The following MAP7 variants were observed in gnomAD, a reference collection of about 807,000 sequenced individuals.
MAP7 encodes microtubule associated protein 7, also known as ensconsin.
Under a neutral mutation model 94.8 loss-of-function variants are expected in MAP7, and 52 were observed. That is an observed-to-expected ratio of 0.55 (90% confidence interval 0.44 to 0.69). MAP7 has a LOEUF of 0.69. MAP7 is among the 30% of genes least tolerant of loss of function. The pLI is 0.00. For synonymous variants in MAP7, 350 were observed against 357.0 expected (o/e 0.98, Z 0.22); for missense variants, 940 against 964.6 (o/e 0.97, Z 0.34).
intron 17 of MAP7, among the ~76,000 whole-genome samples, chr6:136,344,630 CTGTAACATG>C (rs1372259644): frequency 6.6e-6 from 1 of 152,206 alleles, no homozygotes; most frequent in Admixed American, 6.5e-5. Flanking sequence ...TCCTGTAAAT[CTGTAACATG>C]AGTAGGAAGC....
chr6:136,538,663 T>C (rs1240146776), intron 1 of MAP7, among the ~76,000 whole-genome samples: 1 of 151,766 alleles, frequency 6.6e-6, no homozygotes, highest in Non-Finnish European at 1.5e-5. Flanking sequence ...TAGTGGCGTG[T>C]ACCTGTAGTC....
chr6:136,421,598 G>T, intron 2 of MAP7, 103 bp downstream of exon 2: 1 of 1,143,174 alleles, frequency 8.7e-7, no homozygotes. Context: ...CGAGTTTTCT[G>T]GAAACTAGAA....
At chr6:136,545,840 A>G (rs556620841) in intron 1 of MAP7, among the ~76,000 whole-genome samples, 1 of 152,160 alleles carries the variant, frequency 6.6e-6, no homozygotes, top group Non-Finnish European at 1.5e-5. Context: ...ACAGGCATGC[A>G]ATGTGAAATA....
intron 6 of MAP7, among the ~76,000 whole-genome samples, chr6:136,380,546 G>C (rs1031299118): frequency 1.3e-5 from 2 of 152,118 alleles, no homozygotes; most frequent in Non-Finnish European, 2.9e-5. Context: ...TGTATTGATG[G>C]ATTTTAAGCA....
chr6:136,526,558 G>A, intron 1 of MAP7: 2 of 985,466 alleles, frequency 2.0e-6, no homozygotes, highest in African/African-American at 1.7e-5. Flanking sequence ...GCTGAGAAGC[G>A]GCAGCTTGCA....
chr6:136,346,045 C>T lies in MAP7; in HGVS notation c.2050G>A (p.Gly684Ser). The T allele has an allele frequency of 6.2e-7, 1 of 1,612,856 alleles. No homozygotes were observed. The highest frequency in any genetic ancestry group is 8.5e-7 in the Non-Finnish European group (1 of 1,179,308). ...AAATTTTCATTCTGAACAGATACAC[C>T]ATTTTCATTTGGTTGTTTTTCCAAA... ...PDLEKQPNEN[G>S]VSVQNENFEE... The change falls in exon 17 of 18, where the codon GGT becomes AGT. Residue 684 changes from glycine to serine, a missense_variant. Gly to Ser is a moderately conservative substitution (Grantham distance 56). Transcript: ENST00000354570.
Position 136,489,439 on chromosome 6 carries a change from C to T in MAP7, c.67+60903G>A, listed in dbSNP as rs189253397. On this transcript the variant is annotated intron_variant, in intron 1 of 17. Coordinates refer to ENST00000354570, the MANE Select transcript of MAP7 (RefSeq NM_003980.6). ...GCCTAGGCCTGTAACTTTGTCTTAC[C>T]TCTTCATACTATTTATTTAGTTTAT... 2.0e-5 allele frequency among the ~76,000 whole-genome samples: 3 copies of T among 151,312 alleles called. No homozygotes were observed. In the East Asian group the frequency reaches 5.8e-4, roughly 29 times the overall value.
chr6:136,468,992 G>GT lies in MAP7; in HGVS notation c.68-47194dup, dbSNP rs964945139. Among the ~76,000 whole-genome samples the GT allele has an allele frequency of 8.2e-3, 1,207 of 146,732 alleles. 9 individuals are homozygous for GT. Among genetic ancestry groups the GT allele is most frequent in the African/African-American group, 0.023 (943 of 40,280 alleles). On this transcript the variant is annotated intron_variant, in intron 1 of 17. Coordinates refer to ENST00000354570, the MANE Select transcript of MAP7 (RefSeq NM_003980.6). ...CCCTTAGCAAAAACAGTTTTTTGTT[G>GT]TTTTTTTTTTTAACTAAATGGTGGT...
intron 1 of MAP7, among the ~76,000 whole-genome samples, chr6:136,517,945 T>C (rs753654580): frequency 6.6e-5 from 10 of 152,174 alleles, no homozygotes; most frequent in Non-Finnish European, 8.8e-5. Context: ...ACTTAGATCT[T>C]AAGCTACATT....
At chr6:136,464,247 T>C in intron 1 of MAP7, among the ~76,000 whole-genome samples, 1 of 152,214 alleles carries the variant, frequency 6.6e-6, no homozygotes, top group East Asian at 1.9e-4. Flanking sequence ...CTTTCTTTTC[T>C]TCTTCCAAAA....
intron 2 of MAP7, among the ~76,000 whole-genome samples, chr6:136,413,675 G>C (rs1039436726): frequency 1.3e-5 from 2 of 151,980 alleles, no homozygotes; most frequent in Non-Finnish European, 2.9e-5. Flanking sequence ...GCTGTGGCAC[G>C]ATCATGGCTT....
chr6:136,485,555 A>ATTTTTTTTTTTTTTTTT (rs747333121), intron 1 of MAP7, among the ~76,000 whole-genome samples: 1 of 98,158 alleles, frequency 1.0e-5, no homozygotes, highest in African/African-American at 4.5e-5. Flanking sequence ...TCCACTTCAG[A>ATTTTTTTTTTTTTTTTT]TTTTTTTTTT....
At chr6:136,452,129 G>A (rs528303138) in intron 1 of MAP7, among the ~76,000 whole-genome samples, 81 of 152,260 alleles carry the variant, frequency 5.3e-4, no homozygotes, top group African/African-American at 1.8e-3. Context: ...GGGAGGCAGA[G>A]GTTGCAGTGA....
At chr6:136,526,533 G>C in intron 1 of MAP7, 1 of 985,468 alleles carries the variant, frequency 1.0e-6, no homozygotes, top group Non-Finnish European at 1.2e-6. Flanking sequence ...GGCCCAGAGC[G>C]GCTCCATCTC....
At chr6:136,480,511 G>A (rs923080143) in intron 1 of MAP7, among the ~76,000 whole-genome samples, 3 of 151,524 alleles carry the variant, frequency 2.0e-5, no homozygotes, top group South Asian at 2.1e-4. Flanking sequence ...GCATGGTGGC[G>A]GGTGCCTGTA....
intron 1 of MAP7, among the ~76,000 whole-genome samples, chr6:136,429,331 C>T (rs1195353795): frequency 1.3e-5 from 2 of 152,146 alleles, no homozygotes; most frequent in Non-Finnish European, 2.9e-5. Context: ...GCATCACTAA[C>T]CCAAAAACCT....
rs759974150 is a variant in MAP7, at chr6:136,388,425, G to A, written c.494C>T (p.Ser165Phe). 83 of 1,614,016 alleles carry A rather than the reference G, an allele frequency of 5.1e-5. 1 individual carries two copies. In the East Asian group the frequency reaches 1.8e-3, roughly 35 times the overall value. Residue 165 changes from serine to phenylalanine, a missense_variant, in exon 5 of 18, where the codon TCT (serine) becomes TTT (phenylalanine). Ser to Phe is a radical substitution (Grantham distance 155). Transcript: ENST00000354570. ...GTGGATGCTAGGGCTCCCATGGAGA[G>A]AGCCTCCCCACGACCAACGGTTATG... ...QKHNRWSWGG[S>F]LHGSPSIHSA...
At position 136,415,422 on chromosome 6, in the gene MAP7, G is replaced by C. The variant is rs186616086; in HGVS notation, c.167-3725C>G. Reference sequence around the variant, plus strand: ...TGTGCCATGTCTAGCTTACTTTCAAGTACATGCCAAATTTCATACAAAATT... The same window carrying C: ...TGTGCCATGTCTAGCTTACTTTCAACTACATGCCAAATTTCATACAAAATT... On this transcript the variant is annotated intron_variant, in intron 2 of 17. Transcript: ENST00000354570. Among the ~76,000 whole-genome samples, 11 of 152,236 alleles carry C rather than the reference G, an allele frequency of 7.2e-5. No homozygotes were observed. The East Asian group carries it at 2.1e-3, about 29-fold the overall frequency.
At chr6:136,381,378 G>A (rs1334756252) in intron 6 of MAP7, among the ~76,000 whole-genome samples, 7 of 151,664 alleles carry the variant, frequency 4.6e-5, no homozygotes, top group Admixed American at 3.9e-4. Flanking sequence ...GGGGTTTCGC[G>A]ATGGTGCCCA....
Sources: gnomAD v4.1 joint callset for allele counts (sites outside exome capture counted in the v4.1 genomes callset) on GRCh38, gnomAD v4.1.1 for gene constraint, MANE v1.5 for transcripts, NCBI Gene and HGNC (gene_info 2026-07-23, HGNC 2026-07-21) for gene names.